Variants in OGDH observed in about 807,000 individuals in gnomAD.
OGDH encodes 2-oxoglutarate dehydrogenase complex component E1.
Under a neutral mutation model 116.6 loss-of-function variants are expected in OGDH, and 38 were observed. The observed-to-expected ratio is 0.33, with a 90% CI of 0.25 to 0.43. The LOEUF is 0.43. Ranked by LOEUF, OGDH falls within the 20% of genes least tolerant of loss-of-function variation. The pLI, the probability that OGDH is intolerant of heterozygous loss-of-function variation, is 1.00. For missense variants in OGDH, 825 were observed against 1,357.2 expected, an observed-to-expected ratio of 0.61 and a Z score of 6.16; for synonymous variants, 488 against 533.3, an observed-to-expected ratio of 0.92 and a Z score of 1.17.
intron 4 of OGDH, among the ~76,000 whole-genome samples, chr7:44,659,993 C>G (rs1462366496): frequency 6.6e-6 from 1 of 152,084 alleles, no homozygotes; most frequent in African/African-American, 2.4e-5. Context: ...TTGTTTTTCC[C>G]TCTTTTCTAG....
intron 14 of OGDH, 75 bp from the exon 15 acceptor site, chr7:44,696,839 A>G (rs1788601923): frequency 6.7e-7 from 1 of 1,491,684 alleles, no homozygotes; most frequent in Non-Finnish European, 9.0e-7. Flanking sequence ...CGCTCTTGCC[A>G]TGGGCACGCT....
chr7:44,623,253 C>G (rs868014274), intron 1 of OGDH, among the ~76,000 whole-genome samples: 2 of 152,118 alleles, frequency 1.3e-5, no homozygotes, highest in African/African-American at 2.4e-5. Context: ...TCCCTCCTTC[C>G]CATCCATGTC....
At chr7:44,628,023 A>G (rs1011137879) in intron 2 of OGDH, among the ~76,000 whole-genome samples, 3 of 152,162 alleles carry the variant, frequency 2.0e-5, no homozygotes, top group African/African-American at 7.2e-5. Context: ...CCAAGCATAC[A>G]TAACAGTAGA....
At chr7:44,659,816 CTTT>C (rs1177308832) in intron 4 of OGDH, among the ~76,000 whole-genome samples, 1 of 152,090 alleles carries the variant, frequency 6.6e-6, no homozygotes, top group Admixed American at 6.5e-5. Context: ...TTTGTGTCCT[CTTT>C]TTATTTGTCA....
In OGDH at chr7:44,701,619, G is replaced by A. The variant is rs1357490640; in HGVS notation, c.2632+4G>A. Reference sequence around the variant, plus strand: ...AGCTTTGATGAGATGCTTCCAGGTGGGTGTGAGGGAGATGGGCATTTCCTT... The same window carrying A: ...AGCTTTGATGAGATGCTTCCAGGTGAGTGTGAGGGAGATGGGCATTTCCTT... On this transcript the variant is annotated splice_donor_region_variant and intron_variant, in intron 20 of 22. Transcript: ENST00000222673. 6.2e-7 allele frequency: 1 copy of A among 1,614,032 alleles called. No individual in the cohort carries two copies. The highest frequency in any genetic ancestry group is 1.3e-5 in the African/African-American group (1 of 75,048).
At position 44,701,523 on chromosome 7, in the gene OGDH, C is replaced by T; in HGVS notation, c.2560-20C>T. ...TCTTCAGAATCTGATCCTTCACGAG[C>T]CTATTGTTCTGTATTTCAGTTAATT... On this transcript the variant is annotated intron_variant, in intron 19 of 22. Transcript: ENST00000222673. 1.2e-6 allele frequency: 2 copies of T among 1,608,648 alleles called. No homozygotes were observed. Among genetic ancestry groups the T allele is most frequent in the Non-Finnish European group, 1.7e-6 (2 of 1,175,198 alleles).
chr7:44,638,003 C>G (rs990012253), intron 2 of OGDH, among the ~76,000 whole-genome samples: 1 of 152,182 alleles, frequency 6.6e-6, no homozygotes, highest in Non-Finnish European at 1.5e-5. Context: ...CAGGACCCCT[C>G]ACTCCTTCTG....
intron 2 of OGDH, among the ~76,000 whole-genome samples, chr7:44,636,157 C>T (rs1197755707): frequency 6.6e-6 from 1 of 152,228 alleles, no homozygotes; most frequent in Non-Finnish European, 1.5e-5. Flanking sequence ...GACCTGGGGA[C>T]CCAGGAGGTG....
chr7:44,669,490 G>T (rs956238459), intron 5 of OGDH, among the ~76,000 whole-genome samples: 8 of 150,776 alleles, frequency 5.3e-5, no homozygotes, highest in African/African-American at 2.0e-4. Flanking sequence ...ACATTGGAAA[G>T]CTCCCATGGA....
intron 4 of OGDH, among the ~76,000 whole-genome samples, chr7:44,653,184 C>G (rs12216676): frequency 0.063 from 9,534 of 152,014 alleles, 369 homozygotes; most frequent in Middle Eastern, 0.096. Context: ...ACCTCCACCT[C>G]CAGGTTCAAG....
chr7:44,700,403 G>C, intron 19 of OGDH, 134 bp downstream of exon 19: 1 of 1,147,314 alleles, frequency 8.7e-7, no homozygotes, highest in Non-Finnish European at 1.2e-6. Context: ...ACAGGACATG[G>C]TGTCAGGGAG....
chr7:44,617,666 C>T (rs1784855774), intron 1 of OGDH, among the ~76,000 whole-genome samples: 1 of 152,066 alleles, frequency 6.6e-6, no homozygotes, highest in Non-Finnish European at 1.5e-5. Flanking sequence ...AGACAACAGC[C>T]ATAGGTCTGT....
chr7:44,665,175 G>A (rs998247774), intron 4 of OGDH, among the ~76,000 whole-genome samples: 1 of 151,764 alleles, frequency 6.6e-6, no homozygotes, highest in Non-Finnish European at 1.5e-5. Flanking sequence ...AGAGCCACGT[G>A]CTTCACCTAG....
chr7:44,707,871 T>A lies in OGDH; in HGVS notation c.2952-8T>A. 1 of 1,611,970 alleles carries A rather than the reference T, an allele frequency of 6.2e-7. No individual in the cohort carries two copies. Among genetic ancestry groups the A allele is most frequent in the Non-Finnish European group, 8.5e-7 (1 of 1,179,130 alleles). On this transcript the variant is annotated splice_region_variant and splice_polypyrimidine_tract_variant and intron_variant, in intron 22 of 22. Coordinates refer to ENST00000222673, the MANE Select transcript of OGDH (RefSeq NM_002541.4). The surrounding 1 kb of genome is among the most constrained non-coding windows in gnomAD (Gnocchi z 5.2). ...CTGCCCTCACTGCCCCCTCCCTCCA[T>A]CTCTCAGGTATGCCGGCCGGGACCC...
At chr7:44,647,923 G>T (rs1017358530) in intron 4 of OGDH, among the ~76,000 whole-genome samples, 164 bp downstream of exon 4, 3 of 152,180 alleles carry the variant, frequency 2.0e-5, no homozygotes, top group Non-Finnish European at 4.4e-5. Flanking sequence ...TTTTGGGCAA[G>T]TTATTTTTAT....
chr7:44,685,448 T>G (rs1271349686), intron 10 of OGDH, among the ~76,000 whole-genome samples: 1 of 152,228 alleles, frequency 6.6e-6, no homozygotes, highest in African/African-American at 2.4e-5. Context: ...TGTTAGAGTT[T>G]CCTACCTTTT....
At chr7:44,705,773 A>T (rs1315373561) in intron 20 of OGDH, among the ~76,000 whole-genome samples, 1 of 152,180 alleles carries the variant, frequency 6.6e-6, no homozygotes, top group Non-Finnish European at 1.5e-5. Flanking sequence ...TTGTTAGTGT[A>T]TAGAAACACA....
At chr7:44,625,203 C>T (rs1483397185) in intron 2 of OGDH, among the ~76,000 whole-genome samples, 1 of 152,158 alleles carries the variant, frequency 6.6e-6, no homozygotes, top group Non-Finnish European at 1.5e-5. Context: ...CGGCTTGCTG[C>T]AACCTCCGAC....
chr7:44,651,346 C>T (rs1057496042), intron 4 of OGDH, among the ~76,000 whole-genome samples: 1 of 152,130 alleles, frequency 6.6e-6, no homozygotes, highest in Non-Finnish European at 1.5e-5. Context: ...TTCTCCTGGT[C>T]CCTGAAGTAA....
Sources: gnomAD v4.1 joint callset for allele counts (sites outside exome capture counted in the v4.1 genomes callset) on GRCh38, gnomAD v4.1.1 for gene constraint, Gnocchi (gnomAD v3.1) non-coding constraint, MANE v1.5 for transcripts, NCBI Gene and HGNC (gene_info 2026-07-23, HGNC 2026-07-21) for gene names.